The following MRPS31 variants were observed in gnomAD, a reference collection of about 807,000 sequenced individuals.
MRPS31 encodes small ribosomal subunit protein mS31.
MRPS31 carries 32 observed loss-of-function variants against 43.1 expected under a neutral mutation model. The observed-to-expected ratio is 0.74, with a 90% CI of 0.56 to 1.00. MRPS31 has a LOEUF of 1.00. Ranked by LOEUF, MRPS31 falls within the 50% of genes least tolerant of loss-of-function variation. MRPS31 has a pLI of 0.00. For missense variants in MRPS31, 437 were observed against 466.7 expected (o/e 0.94, Z 0.59); for synonymous variants, 165 against 161.6 (o/e 1.02, Z -0.16).
intron 6 of MRPS31, among the ~76,000 whole-genome samples, chr13:40,744,802 C>T (rs1241960258): frequency 5.9e-5 from 9 of 151,822 alleles, no homozygotes; most frequent in Admixed American, 5.9e-4. Flanking sequence ...TTAGTAGAGG[C>T]GGGGTTTCGC....
chr13:40,749,483 T>C, intron 5 of MRPS31: 1 of 374,032 alleles, frequency 2.7e-6, no homozygotes, highest in Non-Finnish European at 4.7e-6. Context: ...TTAACTTTTG[T>C]TTTGCAACAA....
At chr13:40,770,038 T>C (rs1880963767) in intron 1 of MRPS31, among the ~76,000 whole-genome samples, 2 of 152,204 alleles carry the variant, frequency 1.3e-5, no homozygotes, top group African/African-American at 2.4e-5. Context: ...AATTATAATA[T>C]ATGGAAAAAT....
intron 1 of MRPS31, among the ~76,000 whole-genome samples, chr13:40,769,324 C>T (rs1880934941): frequency 7.3e-6 from 1 of 136,740 alleles, no homozygotes; most frequent in Non-Finnish European, 1.6e-5. Flanking sequence ...TGCAGTGAGC[C>T]GAGATCACAC....
intron 5 of MRPS31, among the ~76,000 whole-genome samples, chr13:40,751,801 T>A (rs1417045642): frequency 6.6e-6 from 1 of 152,224 alleles, no homozygotes; most frequent in Non-Finnish European, 1.5e-5. Flanking sequence ...AAACAGTACC[T>A]TCATTAAATT....
At chr13:40,744,285 C>T (rs1005058356) in intron 6 of MRPS31, among the ~76,000 whole-genome samples, 2 of 152,128 alleles carry the variant, frequency 1.3e-5, no homozygotes, top group Non-Finnish European at 2.9e-5. Context: ...ATTATCTGTA[C>T]ACCAAACTCC....
chr13:40,752,591 C>G (rs969566687), intron 5 of MRPS31, among the ~76,000 whole-genome samples: 3 of 152,106 alleles, frequency 2.0e-5, no homozygotes, highest in African/African-American at 7.2e-5. Flanking sequence ...GATCTGTAAG[C>G]CACATGAGTA....
chr13:40,754,995 C>G (rs1426944384), intron 4 of MRPS31, among the ~76,000 whole-genome samples: 1 of 152,212 alleles, frequency 6.6e-6, no homozygotes, highest in African/African-American at 2.4e-5. Flanking sequence ...CATTGTGCCA[C>G]TACACTCCAG....
chr13:40,765,656 T>C (rs532159712), intron 2 of MRPS31, among the ~76,000 whole-genome samples: 2 of 152,350 alleles, frequency 1.3e-5, no homozygotes, highest in East Asian at 3.9e-4. Context: ...TCTAGAGGTA[T>C]TTTTGATATA....
intron 6 of MRPS31, among the ~76,000 whole-genome samples, chr13:40,733,129 G>A (rs1360679810): frequency 1.3e-5 from 2 of 149,766 alleles, no homozygotes; most frequent in Non-Finnish European, 2.9e-5. Context: ...TCAGCCTCCT[G>A]AGTAGCTGGG....
chr13:40,767,561 A>G (rs2138020153), intron 1 of MRPS31, among the ~76,000 whole-genome samples: 1 of 152,374 alleles, frequency 6.6e-6, no homozygotes, highest in Non-Finnish European at 1.5e-5. Context: ...TGTAGCTCAC[A>G]GCTCACTAAG....
At chr13:40,769,799 A>C (rs1018276699) in intron 1 of MRPS31, among the ~76,000 whole-genome samples, 3 of 152,188 alleles carry the variant, frequency 2.0e-5, no homozygotes, top group Admixed American at 6.5e-5. Context: ...AAAACAATCT[A>C]CATTATAGGA....
At position 40,729,155 on chromosome 13, in the gene MRPS31, C is replaced by A; in HGVS notation, c.*217G>T. ...AGGAGTTGTTGTCTTAAATGTATTA[C>A]TAATTCCCAGATATTCTTTTGAACC... On this transcript the variant is annotated 3_prime_UTR_variant, in exon 7 of 7. Coordinates refer to ENST00000323563, the MANE Select transcript of MRPS31 (RefSeq NM_005830.4). The A allele has an allele frequency of 2.7e-6, 1 of 364,426 alleles. No individual in the cohort carries two copies. The highest frequency in any genetic ancestry group is 4.9e-6 in the Non-Finnish European group (1 of 202,088). 22.6% of individuals were successfully genotyped at this position (364,426 alleles called of 1,614,324 possible).
chr13:40,766,475 G>A (rs1880851266), intron 2 of MRPS31, among the ~76,000 whole-genome samples: 1 of 152,036 alleles, frequency 6.6e-6, no homozygotes, highest in South Asian at 2.1e-4. Flanking sequence ...TGTAGTTTTA[G>A]TAGAGACGGG....
At chr13:40,754,624 CAG>C (rs1439406577) in intron 4 of MRPS31, among the ~76,000 whole-genome samples, 1 of 152,154 alleles carries the variant, frequency 6.6e-6, no homozygotes, top group East Asian at 1.9e-4. Context: ...AAATTAATAT[CAG>C]AGAGTTAATA....
intron 2 of MRPS31, among the ~76,000 whole-genome samples, chr13:40,761,846 CA>C (rs1375776738): frequency 7.3e-6 from 1 of 136,186 alleles, no homozygotes; most frequent in African/African-American, 2.8e-5. Flanking sequence ...ATATCAAAGG[CA>C]AAAAATATAT....
chr13:40,730,982 C>T (rs1879675332), intron 6 of MRPS31: 1 of 151,974 alleles, frequency 6.6e-6, no homozygotes, highest in Admixed American at 6.6e-5. Context: ...AGCTAAGAGG[C>T]CAGGTGCCGT....
At chr13:40,750,323 C>T (rs537001312) in intron 5 of MRPS31, among the ~76,000 whole-genome samples, 12 of 152,112 alleles carry the variant, frequency 7.9e-5, no homozygotes, top group Non-Finnish European at 1.6e-4. Context: ...AAGATGCAAA[C>T]TAACCTATTG....
chr13:40,759,049 G>A lies in MRPS31; in HGVS notation c.498C>T (p.Leu166=). The part of the protein sequence containing the change: ...VAAASAVADS[L]PFDKQTTKSE... ...ACTTGGTTGTTTGCTTATCAAAAGG[G>A]AGAGAATCTGCCACAGCAGATGCAG... The change falls in exon 3 of 7, where the codon CTC becomes CTT. Residue 166 remains leucine, a synonymous_variant. Transcript: ENST00000323563. 1 of 1,608,418 alleles carries A rather than the reference G, an allele frequency of 6.2e-7. No individual in the cohort carries two copies. The highest frequency in any genetic ancestry group is 8.5e-7 in the Non-Finnish European group (1 of 1,177,764).
At chr13:40,757,440 C>CTTTTTT (rs11291870) in intron 3 of MRPS31, among the ~76,000 whole-genome samples, 2 of 96,914 alleles carry the variant, frequency 2.1e-5, no homozygotes, top group East Asian at 3.8e-4. Flanking sequence ...CTATGTCTTC[C>CTTTTTT]TTTTTTTTTT....
Sources: allele counts gnomAD v4.1 joint callset (sites outside exome capture counted in the v4.1 genomes callset), GRCh38; gene constraint gnomAD v4.1.1; transcripts MANE v1.5; gene names NCBI Gene and HGNC (gene_info 2026-07-23, HGNC 2026-07-21).